FARP1: variants seen among roughly 807,000 people sequenced by gnomAD.
The protein encoded by FARP1 is FERM, ARHGEF and pleckstrin domain-containing protein 1.
A neutral mutation model predicts 128.8 loss-of-function variants in FARP1; 52 were observed. The observed-to-expected ratio is 0.40, with a 90% CI of 0.32 to 0.51. The LOEUF (loss-of-function observed/expected upper bound fraction) is 0.51, where lower values mean the gene tolerates loss of function less well. FARP1 is among the 20% of genes least tolerant of loss of function. The probability of loss-of-function intolerance (pLI) is 0.45; values close to 1 mark genes in which losing one functional copy is unlikely to be tolerated. For synonymous variants in FARP1, 580 were observed against 551.8 expected (o/e 1.05, Z -0.72); for missense variants, 1,333 against 1,367.9 (o/e 0.97, Z 0.40).
intron 13 of FARP1, chr13:98,396,005 A>T (rs1890528382): frequency 2.5e-6 from 1 of 399,042 alleles, no homozygotes; most frequent in Admixed American, 4.4e-5. Flanking sequence ...GGTCCTCCTT[A>T]TGAACGCTGG....
At chr13:98,226,424 C>T (rs1443675507) in intron 2 of FARP1, among the ~76,000 whole-genome samples, 1 of 152,016 alleles carries the variant, frequency 6.6e-6, no homozygotes, top group East Asian at 1.9e-4. Context: ...TTTTCAAAGA[C>T]CTGATTTCCA....
At chr13:98,299,434 G>A (rs1379587926) in intron 2 of FARP1, among the ~76,000 whole-genome samples, 1 of 152,150 alleles carries the variant, frequency 6.6e-6, no homozygotes, top group African/African-American at 2.4e-5. Context: ...GAACACGTAG[G>A]GGCTGTCTAC....
At chr13:98,248,631 G>C (rs1179462568) in intron 2 of FARP1, among the ~76,000 whole-genome samples, 1 of 152,128 alleles carries the variant, frequency 6.6e-6, no homozygotes, top group Non-Finnish European at 1.5e-5. Context: ...CCCAAATCAA[G>C]CTTGTGGTGC....
chr13:98,215,194 T>C (rs1248835148), intron 2 of FARP1, among the ~76,000 whole-genome samples: 1 of 152,208 alleles, frequency 6.6e-6, no homozygotes, highest in Admixed American at 6.5e-5. Context: ...AATAGAAATG[T>C]GTTTTTATCT....
chr13:98,283,643 C>G (rs1885040117), intron 2 of FARP1, among the ~76,000 whole-genome samples: 1 of 151,866 alleles, frequency 6.6e-6, no homozygotes, highest in African/African-American at 2.4e-5. Context: ...TTTGTTCTTG[C>G]TTTAGGAGAA....
intron 1 of FARP1, among the ~76,000 whole-genome samples, chr13:98,154,550 G>A (rs1392460105): frequency 1.3e-5 from 2 of 152,178 alleles, no homozygotes; most frequent in Admixed American, 1.3e-4. Flanking sequence ...GTAAAATCTC[G>A]AGGCCCAGAA....
intron 13 of FARP1, chr13:98,399,206 C>CA (rs1555291673): frequency 6.6e-6 from 1 of 151,906 alleles, no homozygotes; most frequent in African/African-American, 2.4e-5. Context: ...TGATGTGCTG[C>CA]GAATAGTCAC....
chr13:98,311,856 T>G (rs925753141), intron 2 of FARP1, among the ~76,000 whole-genome samples: 3 of 151,714 alleles, frequency 2.0e-5, no homozygotes, highest in African/African-American at 7.3e-5. Flanking sequence ...TTTTTTGTTT[T>G]TTTTTGAGAC....
At position 98,446,776 on chromosome 13, in the gene FARP1, C is replaced by G; in HGVS notation, c.3015C>G (p.His1005Gln). 1.2e-6 allele frequency: 2 copies of G among 1,614,218 alleles called. No individual in the cohort carries two copies. Among genetic ancestry groups the G allele is most frequent in the Non-Finnish European group, 8.5e-7 (1 of 1,180,038 alleles). ...DYVFKLHFKS[H>Q]VYYFRAESEY... ...TGTTCAAGCTGCACTTCAAGTCCCA[C>G]GTCTACTACTTCAGGGCGGAAAGCG... is the stretch of plus-strand genomic sequence containing the variant. Residue 1005 changes from histidine to glutamine, a missense_variant, in exon 26 of 27, where the codon CAC (histidine) becomes CAG (glutamine). Physicochemically the swap from His to Gln is conservative, Grantham distance 24. Transcript: ENST00000319562.
intron 5 of FARP1, among the ~76,000 whole-genome samples, chr13:98,373,599 G>C (rs1029200385): frequency 6.8e-6 from 1 of 147,858 alleles, no homozygotes; most frequent in Non-Finnish European, 1.5e-5. Flanking sequence ...GGGTTGCGGG[G>C]AGAGACAGAA....
chr13:98,306,009 C>T (rs1886137719), intron 2 of FARP1, among the ~76,000 whole-genome samples: 1 of 152,154 alleles, frequency 6.6e-6, no homozygotes, highest in South Asian at 2.1e-4. Context: ...CTGAACTATC[C>T]ATGTGCAGAG....
chr13:98,182,800 C>CT (rs1025797214), intron 1 of FARP1, among the ~76,000 whole-genome samples: 6 of 152,184 alleles, frequency 3.9e-5, no homozygotes, highest in African/African-American at 1.4e-4. Context: ...TGCTCCCATT[C>CT]TTTTTTAGCA....
At position 98,221,824 on chromosome 13, in the gene FARP1, C is replaced by A. The variant is rs559602847; in HGVS notation, c.171+8411C>A. On this transcript the variant is annotated intron_variant, in intron 2 of 26. Coordinates refer to ENST00000319562, the MANE Select transcript of FARP1 (RefSeq NM_005766.4). ...CAAGATCCTCTAGGGTAGGTCTTCT[C>A]AATATGGGCTCTGTGGGTTCATTTG... 4.2e-4 allele frequency among the ~76,000 whole-genome samples: 64 copies of A among 152,276 alleles called. No homozygotes were observed. The South Asian group carries it at 0.012, about 30-fold the overall frequency.
At chr13:98,183,730 G>A (rs770506031) in intron 1 of FARP1, among the ~76,000 whole-genome samples, 1 of 152,168 alleles carries the variant, frequency 6.6e-6, no homozygotes, top group Non-Finnish European at 1.5e-5. Flanking sequence ...GGGGTATGCT[G>A]AGGACTGGAA....
intron 24 of FARP1, among the ~76,000 whole-genome samples, chr13:98,443,245 C>T (rs763672867): frequency 1.3e-4 from 20 of 152,284 alleles, no homozygotes; most frequent in Admixed American, 9.8e-4. Flanking sequence ...GTTTGCTGAC[C>T]CTAGTAGAGA....
intron 3 of FARP1, among the ~76,000 whole-genome samples, chr13:98,356,189 T>G (rs1888630744): frequency 6.6e-6 from 1 of 152,212 alleles, no homozygotes; most frequent in Non-Finnish European, 1.5e-5. Context: ...TCTCTGTAAT[T>G]ATAATTGTTG....
chr13:98,440,581 G>A, intron 23 of FARP1, 89 bp from the exon 24 acceptor site: 1 of 1,382,832 alleles, frequency 7.2e-7, no homozygotes. Context: ...ACTGCTGTGA[G>A]CCCCCCAACC....
rs1234340420 is a variant in FARP1, at chr13:98,169,916, G to C, written c.-24+26424G>C. On this transcript the variant is annotated intron_variant, in intron 1 of 26. Coordinates refer to ENST00000319562, the MANE Select transcript of FARP1 (RefSeq NM_005766.4). ...CTTCTAAAAAAACTTCATATTATTTGATTATTAGGGCTTTAGGAAGATTCT... is the reference window on the plus strand; with the variant it reads ...CTTCTAAAAAAACTTCATATTATTTCATTATTAGGGCTTTAGGAAGATTCT... Among the ~76,000 whole-genome samples the C allele has an allele frequency of 2.0e-5, 3 of 151,942 alleles. No individual in the cohort carries two copies. The South Asian group carries it at 6.2e-4, about 31-fold the overall frequency.
chr13:98,149,568 A>G (rs1566664431), intron 1 of FARP1, among the ~76,000 whole-genome samples: 1 of 152,028 alleles, frequency 6.6e-6, no homozygotes, highest in Non-Finnish European at 1.5e-5. Flanking sequence ...AGTTACTCCA[A>G]TCTTGATCAA....
Sources: gnomAD v4.1 joint callset for allele counts (sites outside exome capture counted in the v4.1 genomes callset) on GRCh38, gnomAD v4.1.1 for gene constraint, MANE v1.5 for transcripts, NCBI Gene and HGNC (gene_info 2026-07-23, HGNC 2026-07-21) for gene names.